Variants in HDLBP observed in about 807,000 individuals in gnomAD.
The protein encoded by HDLBP is vigilin.
HDLBP carries 30 observed loss-of-function variants against 137.3 expected under a neutral mutation model. The ratio of observed to expected loss-of-function variants is 0.22; its 90% confidence interval spans 0.16 to 0.30. The LOEUF (loss-of-function observed/expected upper bound fraction) is 0.30, where lower values mean the gene tolerates loss of function less well. HDLBP is among the 10% of genes least tolerant of loss of function. HDLBP has a pLI of 1.00. For missense variants in HDLBP, 1,119 were observed against 1,667.3 expected, an observed-to-expected ratio of 0.67 and a Z score of 5.73; for synonymous variants, 606 against 596.0, an observed-to-expected ratio of 1.02 and a Z score of -0.24.
intron 1 of HDLBP, among the ~76,000 whole-genome samples, chr2:241,306,865 G>C (rs779188998): frequency 2.6e-4 from 39 of 149,876 alleles, no homozygotes; most frequent in Non-Finnish European, 4.3e-4. Context: ...CTGGGTGACA[G>C]GGAGAGACTC....
rs571516293 is a variant in HDLBP at position 241,273,764 on chromosome 2, C to T, written c.-102-5223G>A. 5.6e-4 allele frequency: 382 copies of T among 687,400 alleles called. 1 individual carries two copies. The highest frequency in any genetic ancestry group is 6.5e-4 in the Non-Finnish European group (363 of 558,110). The allele number at this position is 687,400 out of a possible 1,614,324, so 42.6% of individuals were successfully genotyped here. A position where few individuals can be genotyped will look rare whatever the true frequency, so the allele number is the denominator to read the frequency against. On this transcript the variant is annotated intron_variant, in intron 1 of 27. Transcript: ENST00000310931. ...CTTACCCAGGGAATGGGGTCAGGTC[C>T]GCACAGCCTGCAGCCAGGCCACGGG... is the stretch of plus-strand genomic sequence containing the variant.
chr2:241,308,005 T>C (rs1295098207), intron 1 of HDLBP, among the ~76,000 whole-genome samples: 2 of 152,196 alleles, frequency 1.3e-5, no homozygotes, highest in South Asian at 2.1e-4. Context: ...TTGATAGATA[T>C]TGCCAAGGTA....
intron 9 of HDLBP, among the ~76,000 whole-genome samples, chr2:241,254,706 G>C (rs976789860): frequency 1.3e-5 from 2 of 151,930 alleles, no homozygotes; most frequent in African/African-American, 4.8e-5. Flanking sequence ...GGATGGTCTC[G>C]ATCTCCTGAC....
chr2:241,299,527 A>AAAAG (rs2075316604), intron 1 of HDLBP, among the ~76,000 whole-genome samples: 1 of 149,394 alleles, frequency 6.7e-6, no homozygotes, highest in African/African-American at 2.5e-5. Context: ...AAAAAAAAAA[A>AAAAG]AAAGAAAGGA....
intron 1 of HDLBP, among the ~76,000 whole-genome samples, chr2:241,296,731 G>GA (rs745945429): frequency 3.9e-5 from 6 of 152,122 alleles, no homozygotes; most frequent in Non-Finnish European, 8.8e-5. Flanking sequence ...TGGTGAGGGG[G>GA]AAAAAAGACT....
intron 1 of HDLBP, among the ~76,000 whole-genome samples, chr2:241,276,143 T>C (rs940295495): frequency 2.0e-5 from 3 of 152,184 alleles, no homozygotes; most frequent in Non-Finnish European, 4.4e-5. Context: ...AAGGGGGATA[T>C]GAAGTTGCAA....
chr2:241,250,246 A>G (rs1415844462), intron 11 of HDLBP: 3 of 323,846 alleles, frequency 9.3e-6, no homozygotes, highest in Non-Finnish European at 1.1e-5. Flanking sequence ...CAAATAACTG[A>G]CGGTTGGGGC....
intron 16 of HDLBP, among the ~76,000 whole-genome samples, chr2:241,243,226 A>G (rs1447064264): frequency 6.6e-6 from 1 of 152,166 alleles, no homozygotes; most frequent in African/African-American, 2.4e-5. Flanking sequence ...AAGGTGAGGA[A>G]ACAGAACCAT....
chr2:241,287,251 C>T (rs1427790413), intron 1 of HDLBP, among the ~76,000 whole-genome samples: 1 of 151,830 alleles, frequency 6.6e-6, no homozygotes, highest in African/African-American at 2.4e-5. Context: ...GCTGGGACTA[C>T]AGGCGTGCGC....
At position 241,229,758 on chromosome 2, in the gene HDLBP, C is replaced by T. The variant is rs2069490257; in HGVS notation, c.3721-71G>A. On this transcript the variant is annotated intron_variant, in intron 27 of 27. Coordinates refer to ENST00000310931, the MANE Select transcript of HDLBP (RefSeq NM_005336.6). ...TCGCAAGCAGCTTCCGACGCAGTTG[C>T]CACCCTCAGGACACCAAGCCCGCCT... 6 of 1,605,778 alleles carry T rather than the reference C, an allele frequency of 3.7e-6. No homozygotes were observed. In the East Asian group the frequency reaches 9.0e-5, roughly 24 times the overall value.
chr2:241,264,002 G>C (rs1559520694), intron 4 of HDLBP, among the ~76,000 whole-genome samples: 1 of 151,022 alleles, frequency 6.6e-6, no homozygotes, highest in African/African-American at 2.4e-5. Context: ...TGCACATTCA[G>C]AAACTCTTCC....
chr2:241,314,624 C>T (rs2075935253), intron 1 of HDLBP, among the ~76,000 whole-genome samples: 1 of 152,170 alleles, frequency 6.6e-6, no homozygotes. Flanking sequence ...AAGCAAAGCC[C>T]AAGTCGACTT....
intron 1 of HDLBP, among the ~76,000 whole-genome samples, chr2:241,290,056 G>A (rs982466284): frequency 6.6e-6 from 1 of 152,258 alleles, no homozygotes; most frequent in African/African-American, 2.4e-5. Context: ...AGCATAAAAG[G>A]TAGAAGGAAA....
intron 1 of HDLBP, among the ~76,000 whole-genome samples, chr2:241,295,170 T>C (rs2075132627): frequency 6.6e-6 from 1 of 152,172 alleles, no homozygotes; most frequent in South Asian, 2.1e-4. Flanking sequence ...CCCAAAAAAC[T>C]GATGAAATTC....
rs546519765 is a variant in HDLBP at position 241,299,590 on chromosome 2, G to A, written c.-103+15980C>T. On this transcript the variant is annotated intron_variant, in intron 1 of 27. Coordinates refer to ENST00000310931, the MANE Select transcript of HDLBP (RefSeq NM_005336.6). ...ACATCAATATAGGAGAGGGATGGCA[G>A]ATAACACTGACCATTCCAGTTCAAA... Among the ~76,000 whole-genome samples the A allele has an allele frequency of 8.7e-5, 13 of 148,580 alleles. 1 individual carries two copies. The highest frequency in any genetic ancestry group is 8.5e-4 in the South Asian group (4 of 4,688).
chr2:241,242,325 A>G (rs1365210842), intron 17 of HDLBP, 135 bp downstream of exon 17: 1 of 712,912 alleles, frequency 1.4e-6, no homozygotes, highest in Non-Finnish European at 2.4e-6. Context: ...AAAGACGCAT[A>G]AACAGTACAT....
chr2:241,275,491 A>G (rs1035113014), intron 1 of HDLBP, among the ~76,000 whole-genome samples: 3 of 152,220 alleles, frequency 2.0e-5, no homozygotes, highest in African/African-American at 7.2e-5. Flanking sequence ...AGAGAAAAGA[A>G]AAAATCCAAA....
At chr2:241,305,821 G>T (rs1271494714) in intron 1 of HDLBP, among the ~76,000 whole-genome samples, 2 of 150,612 alleles carry the variant, frequency 1.3e-5, no homozygotes, top group East Asian at 3.9e-4. Flanking sequence ...GTGCAGTGGC[G>T]TGATCTCGGC....
rs1051912982 is a variant in HDLBP at position 241,256,695 on chromosome 2, G to A, written c.562C>T (p.Arg188Cys). 1.9e-6 allele frequency: 3 copies of A among 1,614,212 alleles called. No individual in the cohort carries two copies. Among genetic ancestry groups the A allele is most frequent in the Non-Finnish European group, 2.5e-6 (3 of 1,180,036 alleles). Residue 188 changes from arginine to cysteine, a missense_variant, in exon 6 of 28, where the codon CGC becomes TGC. Arg to Cys is a radical substitution (Grantham distance 180). Transcript: ENST00000310931. ...ATCTGATTGCTGGGGTCATCTGGGC[G>A]TGGGATCTGGATTTTGGTTGCAGTT... Reference protein sequence around the residue: ...LKTATKIQIPRPDDPSNQIKI... With the variant: ...LKTATKIQIPCPDDPSNQIKI...
Sources: allele counts gnomAD v4.1 joint callset (sites outside exome capture counted in the v4.1 genomes callset), GRCh38; gene constraint gnomAD v4.1.1; transcripts MANE v1.5; gene names NCBI Gene and HGNC (gene_info 2026-07-23, HGNC 2026-07-21).